CDH13: variants seen among roughly 807,000 people sequenced by gnomAD.
The protein encoded by CDH13 is cadherin-13.
Under a neutral mutation model 63.8 loss-of-function variants are expected in CDH13, and 24 were observed. The ratio of observed to expected loss-of-function variants is 0.38; its 90% CI spans 0.27 to 0.53. CDH13 has a LOEUF of 0.53. Ranked by LOEUF, CDH13 falls within the 20% of genes least tolerant of loss-of-function variation. The probability of loss-of-function intolerance (pLI) is 0.85; values close to 1 mark genes in which losing one functional copy is unlikely to be tolerated. For missense variants in CDH13, 1,049 were observed against 903.1 expected, an observed-to-expected ratio of 1.16 and a Z score of -2.07; for synonymous variants, 503 against 355.3, an observed-to-expected ratio of 1.42 and a Z score of -4.67.
At chr16:83,303,787 G>T (rs74031991) in intron 5 of CDH13, among the ~76,000 whole-genome samples, 23,569 of 152,068 alleles carry the variant, frequency 0.15, 2,252 homozygotes, top group African/African-American at 0.26. Flanking sequence ...GGAGTGTTGT[G>T]TTCTGATCCC....
intron 2 of CDH13, among the ~76,000 whole-genome samples, chr16:82,897,571 A>T (rs1023056862): frequency 1.3e-5 from 2 of 152,242 alleles, no homozygotes; most frequent in African/African-American, 4.8e-5. Context: ...TGAGGAAAAT[A>T]AGCCTCCAGA....
intron 1 of CDH13, among the ~76,000 whole-genome samples, chr16:82,794,881 C>T (rs1428376327): frequency 1.3e-5 from 2 of 152,182 alleles, no homozygotes; most frequent in African/African-American, 4.8e-5. Flanking sequence ...TTACCTCCCT[C>T]ACTGGCACAA....
At chr16:83,177,527 A>C (rs1399165385) in intron 4 of CDH13, among the ~76,000 whole-genome samples, 1 of 152,182 alleles carries the variant, frequency 6.6e-6, no homozygotes, top group Non-Finnish European at 1.5e-5. Flanking sequence ...TGTGATGATA[A>C]TAGTACCTGT....
chr16:83,447,096 C>CTTTTTTTTTTT (rs750432481), intron 6 of CDH13, among the ~76,000 whole-genome samples: 497 of 41,452 alleles, frequency 0.012, 77 homozygotes, highest in Admixed American at 0.014. Flanking sequence ...TTATAGTAAC[C>CTTTTTTTTTTT]TTTTTTTTTT....
At chr16:83,312,100 C>G (rs547828517) in intron 5 of CDH13, among the ~76,000 whole-genome samples, 9 of 148,944 alleles carry the variant, frequency 6.0e-5, no homozygotes, top group African/African-American at 2.2e-4. Flanking sequence ...TCTTGGGAGA[C>G]AGTGTGCCTC....
At chr16:82,952,093 T>G (rs1461772192) in intron 2 of CDH13, among the ~76,000 whole-genome samples, 1 of 152,218 alleles carries the variant, frequency 6.6e-6, no homozygotes, top group Admixed American at 6.5e-5. Flanking sequence ...TTGACAATGA[T>G]AAATGCATAG....
intron 1 of CDH13, among the ~76,000 whole-genome samples, chr16:82,627,491 G>C (rs1238610384): frequency 6.6e-6 from 1 of 152,132 alleles, no homozygotes; most frequent in African/African-American, 2.4e-5. Flanking sequence ...CCGGAGGCTC[G>C]GTGCATTGGA....
At chr16:83,180,046 A>C (rs1057491001) in intron 4 of CDH13, among the ~76,000 whole-genome samples, 5 of 152,170 alleles carry the variant, frequency 3.3e-5, no homozygotes, top group African/African-American at 1.2e-4. Flanking sequence ...CTTAAAAGTA[A>C]ACTTTGTTTT....
At chr16:83,487,085 C>G (rs1366434949) in intron 7 of CDH13, among the ~76,000 whole-genome samples, 1 of 152,098 alleles carries the variant, frequency 6.6e-6, no homozygotes, top group Non-Finnish European at 1.5e-5. Flanking sequence ...TTTCTCCAAC[C>G]CTTTGCTGCA....
chr16:82,812,446 C>T (rs542770728), intron 1 of CDH13, among the ~76,000 whole-genome samples: 1 of 152,056 alleles, frequency 6.6e-6, no homozygotes, highest in Non-Finnish European at 1.5e-5. Flanking sequence ...AAAAATGAGA[C>T]TTTGGAGGGA....
rs184112728 is a variant in CDH13 at position 83,074,382 on chromosome 16, G to C, written c.366+42164G>C. 4.3e-3 allele frequency among the ~76,000 whole-genome samples: 654 copies of C among 151,982 alleles called. 5 individuals carry two copies. Among genetic ancestry groups the C allele is most frequent in the Admixed American group, 6.9e-3 (105 of 15,254 alleles). On this transcript the variant is annotated intron_variant, in intron 3 of 13. Coordinates refer to ENST00000567109, the MANE Select transcript of CDH13 (RefSeq NM_001257.5). ...TAAATATACCACAATTTTTTAATCC[G>C]TTATCCATTTATCCACTGATGGGCA...
intron 6 of CDH13, among the ~76,000 whole-genome samples, chr16:83,454,311 T>C (rs937277337): frequency 3.3e-5 from 5 of 152,252 alleles, no homozygotes; most frequent in Admixed American, 6.5e-5. Flanking sequence ...TTTGTGTGCA[T>C]GATACACATT....
At position 82,695,914 on chromosome 16, in the gene CDH13, C is replaced by A. The variant is rs116912895; in HGVS notation, c.45+68777C>A. ...CCATAACCCATTTAAAGCAGCCTTGCAGATAAATGTCTCAAATCTACTAGC... is the reference window on the plus strand; with the variant it reads ...CCATAACCCATTTAAAGCAGCCTTGAAGATAAATGTCTCAAATCTACTAGC... On this transcript the variant is annotated intron_variant, in intron 1 of 13. Transcript: ENST00000567109. Among the ~76,000 whole-genome samples the A allele has an allele frequency of 3.4e-3, 514 of 152,306 alleles. 2 individuals carry two copies. The highest frequency in any genetic ancestry group is 5.4e-3 in the Non-Finnish European group (370 of 68,016).
chr16:83,581,107 T>C (rs957789679), intron 7 of CDH13, among the ~76,000 whole-genome samples: 1 of 152,226 alleles, frequency 6.6e-6, no homozygotes, highest in African/African-American at 2.4e-5. Flanking sequence ...AGATTGTATT[T>C]CAGCTGGCAT....
At chr16:82,628,915 T>C (rs191082359) in intron 1 of CDH13, among the ~76,000 whole-genome samples, 2 of 152,354 alleles carry the variant, frequency 1.3e-5, no homozygotes, top group East Asian at 3.9e-4. Context: ...AATAATCTGC[T>C]GCCTTCCTAG....
chr16:82,800,624 C>A (rs551515481), intron 1 of CDH13, among the ~76,000 whole-genome samples: 1 of 152,248 alleles, frequency 6.6e-6, no homozygotes, highest in East Asian at 1.9e-4. Context: ...AATAATGGGT[C>A]CTGGCCAGCT....
chr16:83,751,664 G>T (rs752270822), intron 11 of CDH13, among the ~76,000 whole-genome samples: 2 of 152,204 alleles, frequency 1.3e-5, no homozygotes, highest in Non-Finnish European at 2.9e-5. Flanking sequence ...AGTTGATGGG[G>T]TCAGAGTCTG....
intron 11 of CDH13, among the ~76,000 whole-genome samples, chr16:83,765,683 G>A (rs890041437): frequency 6.6e-6 from 1 of 151,954 alleles, no homozygotes; most frequent in African/African-American, 2.4e-5. Context: ...GAGCTGATTT[G>A]TAAAATACTG....
chr16:82,781,268 T>A (rs929886938), intron 1 of CDH13, among the ~76,000 whole-genome samples: 2 of 152,216 alleles, frequency 1.3e-5, no homozygotes, highest in Non-Finnish European at 2.9e-5. Context: ...AGCTTGAAAT[T>A]ACAGCATTCT....
Sources: allele counts gnomAD v4.1 joint callset (sites outside exome capture counted in the v4.1 genomes callset), GRCh38; gene constraint gnomAD v4.1.1; transcripts MANE v1.5; gene names NCBI Gene and HGNC (gene_info 2026-07-23, HGNC 2026-07-21).